Variants in PDXDC1 observed in about 807,000 individuals in gnomAD.
PDXDC1 encodes pyridoxal-dependent decarboxylase domain-containing protein 1.
PDXDC1 carries 42 observed loss-of-function variants against 100.1 expected under a neutral mutation model. The ratio of observed to expected loss-of-function variants is 0.42; its 90% CI spans 0.33 to 0.54. PDXDC1 has a LOEUF of 0.54. PDXDC1 is among the 20% of genes least tolerant of loss of function. The pLI, the probability that PDXDC1 is intolerant of heterozygous loss-of-function variation, is 0.10. For synonymous variants in PDXDC1, 260 were observed against 371.7 expected, an observed-to-expected ratio of 0.70 and a Z score of 3.46; for missense variants, 636 against 979.2, an observed-to-expected ratio of 0.65 and a Z score of 4.68.
chr16:15,045,625 A>AACAAG (rs1275005290), intron 16 of PDXDC1: 1 of 152,440 alleles, frequency 6.6e-6, no homozygotes, highest in Non-Finnish European at 1.5e-5. Flanking sequence ...AACAAAACAA[A>AACAAG]ACAAAAAGAC....
chr16:15,128,846 C>T (rs1336091048), intron 16 of PDXDC1, among the ~76,000 whole-genome samples: 1 of 149,978 alleles, frequency 6.7e-6, no homozygotes, highest in African/African-American at 2.5e-5. Context: ...TGCTGTGTCA[C>T]CCAGGCTGGA....
At chr16:15,045,288 A>G (rs903756483) in intron 16 of PDXDC1, 1 of 151,478 alleles carries the variant, frequency 6.6e-6, no homozygotes, top group Non-Finnish European at 1.5e-5. Flanking sequence ...ATCGAGCAAG[A>G]CTCCGTCTCA....
At position 15,054,597 on chromosome 16, in the gene PDXDC1, T is replaced by A. The variant is rs1324190247; in HGVS notation, c.1399+24541T>A. Among the ~76,000 whole-genome samples, 5 of 152,176 alleles carry A rather than the reference T, an allele frequency of 3.3e-5. No individual in the cohort carries two copies. The East Asian group carries it at 9.6e-4, about 29-fold the overall frequency. ...GTGCATGTTGGCTAACAGACGATGGTCGGTCCTGAAATGCAAGCTGAGAAT... is the reference window on the plus strand; with the variant it reads ...GTGCATGTTGGCTAACAGACGATGGACGGTCCTGAAATGCAAGCTGAGAAT... On this transcript the variant is annotated intron_variant, in intron 16 of 16. Transcript: ENST00000535621.
At chr16:15,028,538 G>C (rs1022600081) in intron 14 of PDXDC1, among the ~76,000 whole-genome samples, 8 of 152,302 alleles carry the variant, frequency 5.3e-5, no homozygotes, top group Middle Eastern at 3.2e-3. Flanking sequence ...CCCACTGTGA[G>C]GCCTAGTTAG....
chr16:15,056,016 C>G (rs902013703), intron 16 of PDXDC1: 9 of 1,059,886 alleles, frequency 8.5e-6, no homozygotes, highest in Admixed American at 4.7e-5. Flanking sequence ...CGGCGGCCCC[C>G]CGCTTTGCAG....
intron 16 of PDXDC1, chr16:15,056,035 C>T: frequency 1.3e-6 from 1 of 748,762 alleles, no homozygotes; most frequent in Non-Finnish European, 1.7e-6. Flanking sequence ...AGCCCCGGGC[C>T]GCCCGCCGCC....
At chr16:15,130,145 G>A in intron 16 of PDXDC1, 1 of 1,342,890 alleles carries the variant, frequency 7.4e-7, no homozygotes, top group Non-Finnish European at 1.0e-6. Context: ...ATAGAGCCGA[G>A]CCCACCCAGG....
rs1186849506 is a variant in PDXDC1 at position 15,085,814 on chromosome 16, T to C, written c.1400-53065T>C. The stretch of plus-strand genomic sequence containing the variant: ...AGCTATAAAAAAAGTTATTTTTCCA[T>C]AATCCAAAGTTAGCCCAATGATTAA... On this transcript the variant is annotated intron_variant, in intron 16 of 16. Coordinates refer to the PDXDC1 transcript ENST00000535621. 3.5e-6 allele frequency: 5 copies of C among 1,434,092 alleles called. No individual in the cohort carries two copies. In the East Asian group the frequency reaches 7.4e-5, roughly 21 times the overall value. The allele number at this position is 1,434,092 out of a possible 1,614,324, so 88.8% of individuals were successfully genotyped here. A position where few individuals can be genotyped will look rare whatever the true frequency, so the allele number is the denominator to read the frequency against.
chr16:15,065,044 T>C (rs1019787597), intron 16 of PDXDC1, among the ~76,000 whole-genome samples: 2 of 151,890 alleles, frequency 1.3e-5, no homozygotes, highest in Non-Finnish European at 1.5e-5. Flanking sequence ...TGGGTGCCTG[T>C]AGTCCCAGCT....
rs1344205431 is a variant in PDXDC1 at position 15,076,689 on chromosome 16, A to T, written c.1399+46633A>T. On this transcript the variant is annotated intron_variant, in intron 16 of 16. Coordinates refer to the PDXDC1 transcript ENST00000535621. The stretch of plus-strand genomic sequence containing the variant: ...AGAAAAAAAAAGAATAAAAGGATTT[A>T]AAAAATACAACTATGTTATTTTGGG... 5 of 1,384,560 alleles carry T rather than the reference A, an allele frequency of 3.6e-6. No homozygotes were observed. In the South Asian group the frequency reaches 4.7e-5, roughly 13 times the overall value. The allele number at this position is 1,384,560 out of a possible 1,614,324, so 85.8% of individuals were successfully genotyped here.
chr16:15,010,508 CT>C (rs1328603281), intron 8 of PDXDC1: 1 of 154,322 alleles, frequency 6.5e-6, no homozygotes, highest in Non-Finnish European at 1.5e-5. Flanking sequence ...AATAATTGTA[CT>C]GACGTTGTAA....
intron 16 of PDXDC1, chr16:15,074,731 T>G (rs748520499): frequency 3.7e-6 from 6 of 1,613,454 alleles, no homozygotes; most frequent in Middle Eastern, 1.6e-4. Context: ...ACCATCTACA[T>G]AGCAGACATC....
chr16:15,131,319 C>T lies in PDXDC1; in HGVS notation c.1400-7560C>T, dbSNP rs780873956. 90 of 1,567,794 alleles carry T rather than the reference C, an allele frequency of 5.7e-5. No individual in the cohort carries two copies. In the African/African-American group the frequency reaches 7.8e-4, roughly 14 times the overall value. On this transcript the variant is annotated intron_variant, in intron 16 of 16. Transcript: ENST00000535621. ...CGCCGGCCTGTGTCTGGAACGCCATCGAGGCCACCTTGGTGGAGACGGTGT... is the reference window on the plus strand; with the variant it reads ...CGCCGGCCTGTGTCTGGAACGCCATTGAGGCCACCTTGGTGGAGACGGTGT...
chr16:14,979,139 AAC>A (rs1368436221), intron 1 of PDXDC1, among the ~76,000 whole-genome samples: 1 of 152,296 alleles, frequency 6.6e-6, no homozygotes, highest in African/African-American at 2.4e-5. Context: ...ATTAAAATTA[AAC>A]ACAATTTAAA....
chr16:14,988,301 T>G, intron 1 of PDXDC1: 1 of 1,613,484 alleles, frequency 6.2e-7, no homozygotes, highest in Non-Finnish European at 8.5e-7. Context: ...GGGGCTTGGC[T>G]CCAGGCCCAC....
At chr16:15,042,959 G>A (rs2043889625), downstream of PDXDC1, among the ~76,000 whole-genome samples, 3 of 146,116 alleles carry the variant, frequency 2.1e-5, no homozygotes, top group African/African-American at 7.6e-5. Context: ...GGAGTGCAAT[G>A]GTGTGATCTC....
intron 16 of PDXDC1, chr16:15,060,341 C>A: frequency 4.7e-6 from 1 of 212,948 alleles, no homozygotes. Flanking sequence ...CACCCATATC[C>A]AAAACTTTAA....
chr16:15,014,344 C>G (rs757027807), intron 8 of PDXDC1, among the ~76,000 whole-genome samples: 1 of 152,292 alleles, frequency 6.6e-6, no homozygotes, highest in African/African-American at 2.4e-5. Flanking sequence ...ACTGGAGGGG[C>G]TGCAGTTTGC....
the PDXDC1 span, among the ~76,000 whole-genome samples, chr16:15,149,957 C>G: frequency 0.023 from 3,567 of 152,190 alleles, 160 homozygotes; most frequent in African/African-American, 0.082. Context: ...GGAGGTGGCA[C>G]CCCCAAGACA....
Sources: allele counts gnomAD v4.1 joint callset (sites outside exome capture counted in the v4.1 genomes callset), GRCh38; gene constraint gnomAD v4.1.1; transcripts MANE v1.5; gene names NCBI Gene and HGNC (gene_info 2026-07-23, HGNC 2026-07-21).